The following CMIP variants were observed in gnomAD, a reference collection of about 807,000 sequenced individuals.
CMIP encodes the protein c-Maf inducing protein.
Under a neutral mutation model 97.3 loss-of-function variants are expected in CMIP, and 13 were observed. The observed-to-expected ratio is 0.13, with a 90% CI of 0.09 to 0.21. CMIP has a LOEUF of 0.21. CMIP is among the 10% of genes least tolerant of loss of function. The pLI is 1.00. For synonymous variants in CMIP, 538 were observed against 436.3 expected (o/e 1.23, Z -2.91); for missense variants, 847 against 1,024.9 (o/e 0.83, Z 2.37).
rs898841704 is a variant in CMIP, at chr16:81,444,895, G to A, written c.-347G>A. 1.1e-4 allele frequency among the ~76,000 whole-genome samples: 2 copies of A among 17,970 alleles called. No homozygotes were observed. Among genetic ancestry groups the A allele is most frequent in the Non-Finnish European group, 2.7e-4 (2 of 7,526 alleles). The allele number at this position is 17,970 out of a possible 152,430, so 11.8% of individuals were successfully genotyped here. ...CCCGAGACACGCCCGCCCCCACCCC[G>A]CCGCCCCCACCCCGGCGCCCGCCCT... is the stretch of plus-strand genomic sequence containing the variant. On this transcript the variant is annotated 5_prime_UTR_variant, in exon 1 of 21. Coordinates refer to ENST00000537098, the MANE Select transcript of CMIP (RefSeq NM_198390.3).
At chr16:81,447,954 G>C (rs1905962980) in intron 1 of CMIP, among the ~76,000 whole-genome samples, 1 of 152,232 alleles carries the variant, frequency 6.6e-6, no homozygotes, top group Non-Finnish European at 1.5e-5. Context: ...GCCCCTGTGG[G>C]GTTTCCCTGA....
At chr16:81,702,323 G>T (rs145774769) in intron 16 of CMIP, among the ~76,000 whole-genome samples, 1 of 151,950 alleles carries the variant, frequency 6.6e-6, no homozygotes, top group African/African-American at 2.4e-5. Flanking sequence ...AGAGTCCCCC[G>T]GTGGGATTTG....
chr16:81,643,779 G>A (rs578025126), intron 3 of CMIP, among the ~76,000 whole-genome samples: 25 of 151,518 alleles, frequency 1.6e-4, no homozygotes, highest in African/African-American at 6.0e-4. Context: ...GCGAGACTCT[G>A]TCTCAATAAG....
intron 3 of CMIP, among the ~76,000 whole-genome samples, chr16:81,640,725 G>C (rs936596085): frequency 6.7e-5 from 7 of 105,210 alleles, no homozygotes; most frequent in Non-Finnish European, 1.4e-4. Flanking sequence ...ATACGTGGAG[G>C]TCTCTCTGGA....
chr16:81,475,675 C>A (rs766464075), intron 1 of CMIP, among the ~76,000 whole-genome samples: 1 of 152,092 alleles, frequency 6.6e-6, no homozygotes, highest in African/African-American at 2.4e-5. Flanking sequence ...ACAGAAGGAA[C>A]GGTCTGATGG....
intron 1 of CMIP, among the ~76,000 whole-genome samples, chr16:81,517,269 GGT>G (rs2089935204): frequency 9.7e-6 from 1 of 102,758 alleles, no homozygotes; most frequent in African/African-American, 2.8e-5. Context: ...CGGCCTCCAA[GGT>G]CATCAGTGAA....
rs759704436 is a variant in CMIP, at chr16:81,645,642, T to C, written c.478-6561T>C. 7 of 1,531,756 alleles carry C rather than the reference T, an allele frequency of 4.6e-6. No homozygotes were observed. In the South Asian group the frequency reaches 8.3e-5, roughly 18 times the overall value. 94.9% of individuals were successfully genotyped at this position (1,531,756 alleles called of 1,614,324 possible). On this transcript the variant is annotated intron_variant, in intron 3 of 20. Coordinates refer to ENST00000537098, the MANE Select transcript of CMIP (RefSeq NM_198390.3). ...CAAGCAGAGAGGGTGAGGACAGCGC[T>C]GGAGTGGCTGACTCTGCCAGACGGG...
In CMIP at chr16:81,462,441, G is replaced by A. The variant is rs185945599; in HGVS notation, c.300+16900G>A. Among the ~76,000 whole-genome samples, 53 of 152,244 alleles carry A rather than the reference G, an allele frequency of 3.5e-4. No individual in the cohort carries two copies. In the Middle Eastern group the frequency reaches 0.014, roughly 39 times the overall value. ...CTCTCTAGGGCAATAAACCAGGCTAGGGGGTCAGTGACGCTTCCCCAGCAG... is the reference window on the plus strand; with the variant it reads ...CTCTCTAGGGCAATAAACCAGGCTAAGGGGTCAGTGACGCTTCCCCAGCAG... On this transcript the variant is annotated intron_variant, in intron 1 of 20. Transcript: ENST00000537098.
rs1009270983 is a variant in CMIP, at chr16:81,709,883, G to A, written c.*84G>A. 10 of 1,202,720 alleles carry A rather than the reference G, an allele frequency of 8.3e-6. No homozygotes were observed. Among genetic ancestry groups the A allele is most frequent in the Non-Finnish European group, 1.1e-5 (10 of 902,596 alleles). 74.5% of individuals were successfully genotyped at this position (1,202,720 alleles called of 1,614,324 possible). A position where few individuals can be genotyped will look rare whatever the true frequency, so the allele number is the denominator to read the frequency against. ...CAGCCGCAGAGCAGCCGGTCCTGGG[G>A]TCCCACCCTGGTGCCCTGGCTGTGA... On this transcript the variant is annotated 3_prime_UTR_variant, in exon 21 of 21. Transcript: ENST00000537098.
intron 1 of CMIP, among the ~76,000 whole-genome samples, chr16:81,558,112 T>C (rs1054879880): frequency 1.3e-5 from 2 of 152,244 alleles, no homozygotes; most frequent in Admixed American, 6.5e-5. Context: ...TATTGTAGCA[T>C]GTGTCAGAAT....
chr16:81,521,604 G>T (rs910333268), intron 1 of CMIP, among the ~76,000 whole-genome samples: 1 of 152,180 alleles, frequency 6.6e-6, no homozygotes, highest in African/African-American at 2.4e-5. Flanking sequence ...AACCTAGCAG[G>T]TCGAGTCTGT....
intron 1 of CMIP, among the ~76,000 whole-genome samples, chr16:81,516,149 G>C (rs553496449): frequency 6.6e-6 from 1 of 152,146 alleles, no homozygotes; most frequent in South Asian, 2.1e-4. Flanking sequence ...CTCAGTTCCA[G>C]TGCCCAAGTG....
intron 3 of CMIP, chr16:81,645,801 G>A (rs2092358185): frequency 6.5e-6 from 4 of 611,618 alleles, no homozygotes; most frequent in African/African-American, 3.7e-5. Context: ...AACAATCAGA[G>A]CTGCTGTTTA....
chr16:81,643,994 A>C lies in CMIP; in HGVS notation c.478-8209A>C. Reference sequence around the variant, plus strand: ...CGGAGGCACTAGGGTTGTCCCTACCAAGCCTGGGGCAAGAAAGGAATCCCA... The same window carrying C: ...CGGAGGCACTAGGGTTGTCCCTACCCAGCCTGGGGCAAGAAAGGAATCCCA... On this transcript the variant is annotated intron_variant, in intron 3 of 20. Transcript: ENST00000537098. Among the ~76,000 whole-genome samples the C allele has an allele frequency of 1.3e-5, 2 of 152,146 alleles. 1 individual carries two copies. The highest frequency in any genetic ancestry group is 2.9e-5 in the Non-Finnish European group (2 of 68,014).
intron 1 of CMIP, among the ~76,000 whole-genome samples, chr16:81,536,934 C>T (rs746325437): frequency 2.0e-5 from 3 of 152,182 alleles, no homozygotes; most frequent in Non-Finnish European, 4.4e-5. Context: ...TCCCGCCAGC[C>T]GTTGCTCTCC....
At chr16:81,547,619 G>A (rs941422961) in intron 1 of CMIP, among the ~76,000 whole-genome samples, 2 of 135,300 alleles carry the variant, frequency 1.5e-5, no homozygotes, top group African/African-American at 3.9e-5. Context: ...CGGGGGAGGA[G>A]GAGGAGGAGG....
intron 1 of CMIP, among the ~76,000 whole-genome samples, chr16:81,514,112 T>A (rs1387807249): frequency 6.6e-6 from 1 of 152,198 alleles, no homozygotes; most frequent in Non-Finnish European, 1.5e-5. Flanking sequence ...AATGCATTTG[T>A]TTATGGAGAC....
At chr16:81,527,234 C>T (rs1028744404) in intron 1 of CMIP, among the ~76,000 whole-genome samples, 2 of 152,152 alleles carry the variant, frequency 1.3e-5, no homozygotes, top group Non-Finnish European at 2.9e-5. Context: ...CTGGCTTGGC[C>T]GGGAGCCCAC....
rs1442680148 is a variant in CMIP, at chr16:81,627,614, C to T, written c.477+6688C>T. On this transcript the variant is annotated intron_variant, in intron 3 of 20. Transcript: ENST00000537098. The surrounding 1 kb of genome is among the most constrained non-coding windows in gnomAD (Gnocchi z 4.6). ...CTGCCCGGCTCTGGCCACGGAGTGT[C>T]CCCTGTGTCCAGCACTATGTGCCCC... Among the ~76,000 whole-genome samples, 2 of 147,078 alleles carry T rather than the reference C, an allele frequency of 1.4e-5. No individual in the cohort carries two copies. The highest frequency in any genetic ancestry group is 4.9e-5 in the African/African-American group (2 of 40,580).
Sources: allele counts gnomAD v4.1 joint callset (sites outside exome capture counted in the v4.1 genomes callset), GRCh38; gene constraint gnomAD v4.1.1; non-coding constraint Gnocchi (gnomAD v3.1); transcripts MANE v1.5; gene names NCBI Gene and HGNC (gene_info 2026-07-23, HGNC 2026-07-21).